The following NRXN3 variants were observed in gnomAD, a reference collection of about 807,000 sequenced individuals.
NRXN3 encodes the protein neurexin III.
In NRXN3, 32 loss-of-function variants were observed where a neutral mutation model predicts 137.6. The ratio of observed to expected loss-of-function variants is 0.23; its 90% confidence interval spans 0.18 to 0.31. The LOEUF (loss-of-function observed/expected upper bound fraction) is 0.31, where lower values mean the gene tolerates loss of function less well. Among genes scored for constraint, NRXN3 ranks in the 10% least tolerant of loss-of-function variants. NRXN3 has a pLI of 1.00. For missense variants in NRXN3, 1,574 were observed against 2,062.5 expected, an observed-to-expected ratio of 0.76 and a Z score of 4.59; for synonymous variants, 798 against 784.5, an observed-to-expected ratio of 1.02 and a Z score of -0.29.
intron 16 of NRXN3, among the ~76,000 whole-genome samples, chr14:79,498,326 A>C (rs1218652483): frequency 6.6e-6 from 1 of 152,100 alleles, no homozygotes; most frequent in African/African-American, 2.4e-5. Flanking sequence ...CCCTTGGGGA[A>C]GGTTTGTGTA....
intron 17 of NRXN3, among the ~76,000 whole-genome samples, chr14:79,674,759 T>A (rs1180603817): frequency 6.6e-6 from 1 of 152,112 alleles, no homozygotes; most frequent in Non-Finnish European, 1.5e-5. Flanking sequence ...AGAAATGTGC[T>A]TCTGCCTGAT....
At chr14:78,564,142 A>G (rs537647521) in intron 4 of NRXN3, among the ~76,000 whole-genome samples, 2 of 152,322 alleles carry the variant, frequency 1.3e-5, no homozygotes, top group Admixed American at 6.5e-5. Flanking sequence ...AATCCTAGTG[A>G]ATAGCAATTT....
intron 4 of NRXN3, among the ~76,000 whole-genome samples, chr14:78,531,512 C>A (rs946423909): frequency 6.6e-6 from 1 of 152,122 alleles, no homozygotes; most frequent in African/African-American, 2.4e-5. Flanking sequence ...CAAGTTTTAC[C>A]CAGAAGTATC....
chr14:79,390,038 C>A (rs1463542753), intron 15 of NRXN3, among the ~76,000 whole-genome samples: 1 of 152,174 alleles, frequency 6.6e-6, no homozygotes, highest in Non-Finnish European at 1.5e-5. Context: ...TGAATTAGGT[C>A]CAGGAGCGGT....
chr14:79,491,516 GA>G (rs1369387342), intron 16 of NRXN3, among the ~76,000 whole-genome samples: 1 of 152,058 alleles, frequency 6.6e-6, no homozygotes, highest in East Asian at 1.9e-4. Context: ...GTAAAATCTT[GA>G]GACTTTTATC....
At chr14:79,299,367 T>G (rs780190983) in intron 15 of NRXN3, among the ~76,000 whole-genome samples, 1 of 152,068 alleles carries the variant, frequency 6.6e-6, no homozygotes, top group Non-Finnish European at 1.5e-5. Context: ...AGCAAACTTT[T>G]CCTGTAAAGG....
chr14:78,886,300 C>T (rs1413817655), intron 10 of NRXN3, among the ~76,000 whole-genome samples: 5 of 152,024 alleles, frequency 3.3e-5, no homozygotes, highest in Non-Finnish European at 1.5e-5. Flanking sequence ...GAAATAAAAA[C>T]ACTGAACAGT....
chr14:78,584,342 T>C, intron 4 of NRXN3, among the ~76,000 whole-genome samples: 1 of 152,220 alleles, frequency 6.6e-6, no homozygotes, highest in East Asian at 1.9e-4. Flanking sequence ...TTTCTTGTGA[T>C]GATCCTCCAA....
intron 10 of NRXN3, among the ~76,000 whole-genome samples, chr14:78,891,887 G>T (rs1214439853): frequency 6.6e-6 from 1 of 151,982 alleles, no homozygotes; most frequent in Admixed American, 6.6e-5. Context: ...CATTTAATTT[G>T]ATAAATATTT....
chr14:79,545,436 T>C (rs756694327), intron 16 of NRXN3, among the ~76,000 whole-genome samples: 4 of 152,162 alleles, frequency 2.6e-5, no homozygotes, highest in Non-Finnish European at 5.9e-5. Flanking sequence ...GCTGTCTCTC[T>C]TGTTCTCACT....
chr14:79,685,803 C>T (rs2098692357), intron 17 of NRXN3, among the ~76,000 whole-genome samples: 2 of 152,076 alleles, frequency 1.3e-5, no homozygotes, highest in African/African-American at 2.4e-5. Context: ...TACATAATAC[C>T]TCAGCAGAAA....
intron 19 of NRXN3, among the ~76,000 whole-genome samples, chr14:79,765,444 C>T (rs2099052756): frequency 1.3e-5 from 2 of 152,184 alleles, no homozygotes; most frequent in South Asian, 2.1e-4. Flanking sequence ...TGCAACAGTG[C>T]ACCTTTTACA....
intron 4 of NRXN3, among the ~76,000 whole-genome samples, chr14:78,322,081 GC>G (rs1284169916): frequency 2.0e-5 from 3 of 151,692 alleles, no homozygotes; most frequent in African/African-American, 7.3e-5. Flanking sequence ...CTGCATACCA[GC>G]CCTTTTTTTT....
intron 4 of NRXN3, among the ~76,000 whole-genome samples, chr14:78,531,454 T>G (rs1293868248): frequency 1.3e-5 from 2 of 152,170 alleles, no homozygotes; most frequent in Non-Finnish European, 2.9e-5. Context: ...GAGCTGAAAT[T>G]TTACCTGAGC....
chr14:78,525,666 A>C (rs1269477799), intron 4 of NRXN3, among the ~76,000 whole-genome samples: 2 of 152,208 alleles, frequency 1.3e-5, no homozygotes, highest in African/African-American at 2.4e-5. Context: ...CTAAATTAAA[A>C]TACCCCTGAG....
intron 8 of NRXN3, among the ~76,000 whole-genome samples, chr14:78,784,143 G>A (rs371100018): frequency 7.9e-5 from 12 of 151,902 alleles, no homozygotes; most frequent in African/African-American, 2.7e-4. Flanking sequence ...ATGAGCTGAT[G>A]TGATAGAATA....
chr14:78,718,897 G>T (rs1374158216), intron 8 of NRXN3, among the ~76,000 whole-genome samples: 1 of 152,148 alleles, frequency 6.6e-6, no homozygotes, highest in Non-Finnish European at 1.5e-5. Flanking sequence ...TAGTATCATA[G>T]AATACCACCT....
chr14:78,455,659 C>A lies in NRXN3; in HGVS notation c.757+157799C>A, dbSNP rs540311443. Among the ~76,000 whole-genome samples the A allele has an allele frequency of 1.1e-4, 17 of 152,216 alleles. No individual in the cohort carries two copies. The South Asian group carries it at 3.1e-3, about 28-fold the overall frequency. ...CCTTTAGAACGTTTTTATTCTTTTCCAAGTGATAGCCCCAAGAAGTCGATT... is the reference window on the plus strand; with the variant it reads ...CCTTTAGAACGTTTTTATTCTTTTCAAAGTGATAGCCCCAAGAAGTCGATT... On this transcript the variant is annotated intron_variant, in intron 4 of 20. Coordinates refer to ENST00000335750, the MANE Select transcript of NRXN3 (RefSeq NM_001330195.2).
At chr14:78,987,427 C>G (rs2099509165) in intron 14 of NRXN3, among the ~76,000 whole-genome samples, 2 of 152,094 alleles carry the variant, frequency 1.3e-5, no homozygotes, top group Admixed American at 1.3e-4. Context: ...CTTAGAGTAC[C>G]TGGAGAGCTC....
Sources: gnomAD v4.1 joint callset for allele counts (sites outside exome capture counted in the v4.1 genomes callset) on GRCh38, gnomAD v4.1.1 for gene constraint, MANE v1.5 for transcripts, NCBI Gene and HGNC (gene_info 2026-07-23, HGNC 2026-07-21) for gene names.